Variants in KCNK13 observed in about 807,000 individuals in gnomAD.
KCNK13 encodes the protein potassium channel subfamily K member 13.
A neutral mutation model predicts 23.4 loss-of-function variants in KCNK13; 12 were observed. The observed-to-expected ratio is 0.51, with a 90% CI of 0.33 to 0.83. The LOEUF is 0.83. KCNK13 is among the 40% of genes least tolerant of loss of function. KCNK13 has a pLI of 0.02. For synonymous variants in KCNK13, 231 were observed against 229.5 expected, an observed-to-expected ratio of 1.01 and a Z score of -0.06; for missense variants, 463 against 556.3, an observed-to-expected ratio of 0.83 and a Z score of 1.69.
At chr14:90,155,856 C>A (rs1056356873) in intron 1 of KCNK13, among the ~76,000 whole-genome samples, 1 of 152,090 alleles carries the variant, frequency 6.6e-6, no homozygotes, top group Non-Finnish European at 1.5e-5. Context: ...GTAAAACAGG[C>A]AGCTGGATGC....
intron 1 of KCNK13, among the ~76,000 whole-genome samples, chr14:90,096,292 T>C (rs1889409983): frequency 6.6e-6 from 1 of 152,214 alleles, no homozygotes; most frequent in African/African-American, 2.4e-5. Flanking sequence ...TTGGTCTTTC[T>C]GGTGACCAGC....
At chr14:90,082,542 T>C (rs1889226296) in intron 1 of KCNK13, among the ~76,000 whole-genome samples, 1 of 152,226 alleles carries the variant, frequency 6.6e-6, no homozygotes, top group Admixed American at 6.5e-5. Flanking sequence ...TGGGCTTTTG[T>C]GACTGACTTC....
intron 1 of KCNK13, among the ~76,000 whole-genome samples, chr14:90,127,817 TAAA>T (rs35453411): frequency 1.2e-5 from 1 of 85,152 alleles, no homozygotes; most frequent in Non-Finnish European, 2.2e-5. Flanking sequence ...AGATGCTATC[TAAA>T]AAAAAAAAAA....
intron 1 of KCNK13, among the ~76,000 whole-genome samples, chr14:90,158,783 G>A (rs1890222165): frequency 6.6e-6 from 1 of 152,184 alleles, no homozygotes; most frequent in Admixed American, 6.5e-5. Flanking sequence ...GTCCTACTGG[G>A]GGAGACATGC....
chr14:90,087,149 TA>T (rs1435557845), intron 1 of KCNK13, among the ~76,000 whole-genome samples: 33,216 of 112,754 alleles, frequency 0.29, 4,434 homozygotes, highest in Non-Finnish European at 0.35. Context: ...TATATATATA[TA>T]TATATTTTTT....
At chr14:90,117,693 G>A (rs1049986929) in intron 1 of KCNK13, among the ~76,000 whole-genome samples, 2 of 152,266 alleles carry the variant, frequency 1.3e-5, no homozygotes, top group East Asian at 1.9e-4. Context: ...AAAACCTTAC[G>A]TAAGGGGGGA....
intron 1 of KCNK13, among the ~76,000 whole-genome samples, chr14:90,067,276 A>G (rs1889020795): frequency 6.6e-6 from 1 of 152,222 alleles, no homozygotes; most frequent in Non-Finnish European, 1.5e-5. Context: ...CAAGAAAAAA[A>G]CGAAAAGGAA....
At chr14:90,132,244 G>A (rs1374587644) in intron 1 of KCNK13, among the ~76,000 whole-genome samples, 1 of 152,140 alleles carries the variant, frequency 6.6e-6, no homozygotes, top group Non-Finnish European at 1.5e-5. Flanking sequence ...AATCCATAGA[G>A]ACAGAAAGTA....
chr14:90,172,756 T>G (rs1890379342), intron 1 of KCNK13, among the ~76,000 whole-genome samples: 1 of 152,206 alleles, frequency 6.6e-6, no homozygotes, highest in Admixed American at 6.5e-5. Context: ...CAAGTGTCTA[T>G]TTTGGAATCC....
At chr14:90,114,251 C>T (rs1889648687) in intron 1 of KCNK13, among the ~76,000 whole-genome samples, 1 of 152,154 alleles carries the variant, frequency 6.6e-6, no homozygotes. Context: ...CCCCACGTAT[C>T]TATACTCAGG....
rs546423368 is a variant in KCNK13, at chr14:90,101,790, C to CAAA, written c.334+39271_334+39273dup. On this transcript the variant is annotated intron_variant, in intron 1 of 1. Transcript: ENST00000282146. ...GGGCAACAGAGTGAGACTCCGTCTC[C>CAAA]AAAAAAAAAAAAAAAAAAAAAACCT... Among the ~76,000 whole-genome samples, 73 of 55,568 alleles carry CAAA rather than the reference C, an allele frequency of 1.3e-3. 4 individuals are homozygous for CAAA. Among genetic ancestry groups the CAAA allele is most frequent in the Non-Finnish European group, 1.7e-3 (49 of 28,292 alleles). 36.5% of individuals were successfully genotyped at this position (55,568 alleles called of 152,430 possible).
intron 1 of KCNK13, among the ~76,000 whole-genome samples, chr14:90,085,206 A>G (rs1889257596): frequency 6.6e-6 from 1 of 151,956 alleles, no homozygotes; most frequent in Non-Finnish European, 1.5e-5. Flanking sequence ...GGCCTCCCCA[A>G]AGTGCTAGGA....
intron 1 of KCNK13, among the ~76,000 whole-genome samples, chr14:90,157,675 T>TG (rs1158803314): frequency 6.8e-6 from 1 of 146,110 alleles, no homozygotes. Flanking sequence ...ATTACAGGCA[T>TG]GGGCCACCAT....
intron 1 of KCNK13, among the ~76,000 whole-genome samples, chr14:90,093,702 A>C (rs1889375595): frequency 6.6e-6 from 1 of 152,176 alleles, no homozygotes; most frequent in East Asian, 1.9e-4. Context: ...ATTCACTTGC[A>C]GAGAACATTA....
chr14:90,121,081 G>A (rs551818021), intron 1 of KCNK13, among the ~76,000 whole-genome samples: 1 of 152,238 alleles, frequency 6.6e-6, no homozygotes, highest in East Asian at 1.9e-4. Context: ...TTGTCACTAG[G>A]ACTTGAAGGA....
At chr14:90,153,819 C>T (rs550405433) in intron 1 of KCNK13, among the ~76,000 whole-genome samples, 8 of 152,338 alleles carry the variant, frequency 5.3e-5, no homozygotes, top group African/African-American at 1.9e-4. Flanking sequence ...GCATGGCAGC[C>T]ACAGCTCTAT....
intron 1 of KCNK13, among the ~76,000 whole-genome samples, chr14:90,124,696 C>A (rs76536031): frequency 1.3e-5 from 2 of 152,186 alleles, no homozygotes; most frequent in Non-Finnish European, 2.9e-5. Context: ...AGCAGCCCTG[C>A]GGACAGCTTG....
intron 1 of KCNK13, among the ~76,000 whole-genome samples, chr14:90,134,545 A>G (rs745920968): frequency 1.3e-5 from 2 of 152,244 alleles, no homozygotes; most frequent in Non-Finnish European, 2.9e-5. Context: ...GTAGACACAC[A>G]CACACACAAA....
In KCNK13 at chr14:90,166,475, G is replaced by A. The variant is rs190952761; in HGVS notation, c.335-17636G>A. On this transcript the variant is annotated intron_variant, in intron 1 of 1. Transcript: ENST00000282146. ...AATCCCAGCACTTTGGGGTGCTAAG[G>A]CGGGCAGACCACCTGTGGTCAGGAG... Among the ~76,000 whole-genome samples the A allele has an allele frequency of 5.1e-3, 783 of 152,294 alleles. 22 individuals are homozygous for A. Among genetic ancestry groups the A allele is most frequent in the Middle Eastern group, 0.014 (4 of 294 alleles).
Sources: gnomAD v4.1 joint callset for allele counts (sites outside exome capture counted in the v4.1 genomes callset) on GRCh38, gnomAD v4.1.1 for gene constraint, MANE v1.5 for transcripts, NCBI Gene and HGNC (gene_info 2026-07-23, HGNC 2026-07-21) for gene names.